The following KLF7 variants were observed in gnomAD, a reference collection of about 807,000 sequenced individuals.
The protein encoded by KLF7 is KLF transcription factor 7.
A neutral mutation model predicts 27.3 loss-of-function variants in KLF7; 2 were observed. The observed-to-expected ratio is 0.07, with a 90% CI of 0.03 to 0.23. KLF7 has a LOEUF of 0.23. Ranked by LOEUF, KLF7 falls within the 10% of genes least tolerant of loss-of-function variation. KLF7 has a pLI of 1.00. For synonymous variants in KLF7, 165 were observed against 162.4 expected, an observed-to-expected ratio of 1.02 and a Z score of -0.12; for missense variants, 221 against 394.1, an observed-to-expected ratio of 0.56 and a Z score of 3.72.
chr2:207,085,424 GA>G (rs1189996363), intron 3 of KLF7, among the ~76,000 whole-genome samples: 2 of 152,130 alleles, frequency 1.3e-5, no homozygotes, highest in African/African-American at 4.8e-5. Context: ...ACCACTGATG[GA>G]AACTGAGCCC....
Position 207,076,457 on chromosome 2 carries a change from C to G in KLF7, c.*4756G>C, listed in dbSNP as rs893140500. On this transcript the variant is annotated 3_prime_UTR_variant, in exon 4 of 4. Transcript: ENST00000309446. ...CAAAACACCTGAAAAATACAGTACT[C>G]TATTGGAAGGATGCACATAAGAAAG... 1.3e-5 allele frequency: 2 copies of G among 152,128 alleles called. No individual in the cohort carries two copies. The highest frequency in any genetic ancestry group is 2.9e-5 in the Non-Finnish European group (2 of 68,040). 9.4% of individuals were successfully genotyped at this position (152,128 alleles called of 1,614,324 possible). A position where few individuals can be genotyped will look rare whatever the true frequency, so the allele number is the denominator to read the frequency against.
At chr2:207,142,017 T>C (rs2077956695) in intron 1 of KLF7, among the ~76,000 whole-genome samples, 1 of 151,948 alleles carries the variant, frequency 6.6e-6, no homozygotes, top group Non-Finnish European at 1.5e-5. Context: ...AAGAATCTTG[T>C]CACAAGAATG....
In KLF7 at chr2:207,077,355, C is replaced by G. The variant is rs968750392; in HGVS notation, c.*3858G>C. ...AACAAAAGTCCTTATAAAATCTTCT[C>G]TGAAGCCAGAGAAGATTTTTTAAAA... On this transcript the variant is annotated 3_prime_UTR_variant, in exon 4 of 4. Transcript: ENST00000309446. 1 of 152,186 alleles carries G rather than the reference C, an allele frequency of 6.6e-6. No homozygotes were observed. The highest frequency in any genetic ancestry group is 1.5e-5 in the Non-Finnish European group (1 of 68,032). The allele number at this position is 152,186 out of a possible 1,614,324, so 9.4% of individuals were successfully genotyped here. A position where few individuals can be genotyped will look rare whatever the true frequency, so the allele number is the denominator to read the frequency against.
intron 2 of KLF7, among the ~76,000 whole-genome samples, chr2:207,120,024 C>T (rs1033831292): frequency 6.6e-6 from 1 of 152,162 alleles, no homozygotes; most frequent in Non-Finnish European, 1.5e-5. Flanking sequence ...CTTCCTTTCA[C>T]TAAATCCTGC....
chr2:207,124,505 T>C lies in KLF7; in HGVS notation c.103-101A>G. Reference sequence around the variant, plus strand: ...GAGGGGGAAGGTGCAGAGAGAATGGTGTCATGGCTTGTATCAGAAATGCCT... The same window carrying C: ...GAGGGGGAAGGTGCAGAGAGAATGGCGTCATGGCTTGTATCAGAAATGCCT... On this transcript the variant is annotated intron_variant, in intron 1 of 3. Transcript: ENST00000309446. 3.4e-6 allele frequency: 4 copies of C among 1,187,186 alleles called. No homozygotes were observed. The South Asian group carries it at 4.6e-5, about 14-fold the overall frequency. 73.5% of individuals were successfully genotyped at this position (1,187,186 alleles called of 1,614,324 possible). A position where few individuals can be genotyped will look rare whatever the true frequency, so the allele number is the denominator to read the frequency against.
intron 1 of KLF7, among the ~76,000 whole-genome samples, chr2:207,153,355 G>GA (rs1174709114): frequency 6.6e-6 from 1 of 151,978 alleles, no homozygotes; most frequent in Non-Finnish European, 1.5e-5. Context: ...TACTAAAAAA[G>GA]AAAAAACAAC....
chr2:207,082,555 C>T lies in KLF7; in HGVS notation c.858-1291G>A, dbSNP rs1574410533. Reference sequence around the variant, plus strand: ...CAGAAACCTGACAGTATGGGTGTTTCCAAATCCCTGCAGGCTTCAATCTCA... The same window carrying T: ...CAGAAACCTGACAGTATGGGTGTTTTCAAATCCCTGCAGGCTTCAATCTCA... On this transcript the variant is annotated intron_variant, in intron 3 of 3. Coordinates refer to ENST00000309446, the MANE Select transcript of KLF7 (RefSeq NM_003709.4). Among the ~76,000 whole-genome samples, 4 of 152,316 alleles carry T rather than the reference C, an allele frequency of 2.6e-5. No homozygotes were observed. The South Asian group carries it at 8.3e-4, about 32-fold the overall frequency.
chr2:207,145,466 T>C lies in KLF7; in HGVS notation c.102+20001A>G, dbSNP rs569036024. Among the ~76,000 whole-genome samples the C allele has an allele frequency of 3.9e-5, 6 of 152,352 alleles. No individual in the cohort carries two copies. The East Asian group carries it at 1.2e-3, about 29-fold the overall frequency. The stretch of plus-strand genomic sequence containing the variant: ...ACAGGTAGATACATGGATGGGAAGT[T>C]ATCAAACCCAAAAAGAGACTAATCA... On this transcript the variant is annotated intron_variant, in intron 1 of 3. Coordinates refer to ENST00000309446, the MANE Select transcript of KLF7 (RefSeq NM_003709.4).
intron 2 of KLF7, among the ~76,000 whole-genome samples, chr2:207,102,125 T>TACACACA (rs1553522202): frequency 8.2e-6 from 1 of 121,228 alleles, no homozygotes; most frequent in African/African-American, 3.0e-5. Flanking sequence ...TACATTCACA[T>TACACACA]TCACACACAC....
chr2:207,127,095 G>C (rs13406392), intron 1 of KLF7, among the ~76,000 whole-genome samples: 11,454 of 152,158 alleles, frequency 0.075, 897 homozygotes, highest in African/African-American at 0.2. Context: ...AGTAACTTAT[G>C]CAGTATGCCC....
intron 1 of KLF7, among the ~76,000 whole-genome samples, chr2:207,127,642 A>C (rs1220909490): frequency 6.6e-6 from 1 of 151,916 alleles, no homozygotes. Context: ...AGGAGTTTGA[A>C]ACCAGCCTGG....
At chr2:207,097,949 AG>A (rs1294549023) in intron 2 of KLF7, among the ~76,000 whole-genome samples, 1 of 152,186 alleles carries the variant, frequency 6.6e-6, no homozygotes, top group East Asian at 1.9e-4. Flanking sequence ...CCCCGACACA[AG>A]GCAAAACAAA....
rs777059708 is a variant in KLF7, at chr2:207,165,602, C to A, written c.-34G>T. 7 of 1,612,248 alleles carry A rather than the reference C, an allele frequency of 4.3e-6. No individual in the cohort carries two copies. The South Asian group carries it at 6.6e-5, about 15-fold the overall frequency. ...TGCCGGGCAAAACGGGAGGCGAAAC[C>A]CTCCCCCGAACACAGTTGGGGCTGT... On this transcript the variant is annotated 5_prime_UTR_variant, in exon 1 of 4. Transcript: ENST00000309446.
upstream of KLF7, among the ~76,000 whole-genome samples, chr2:207,171,381 A>T (rs1375411363): frequency 6.6e-6 from 1 of 152,172 alleles, no homozygotes; most frequent in Non-Finnish European, 1.5e-5. Flanking sequence ...AACTACTTAG[A>T]ATATTATTAT....
chr2:207,146,983 G>A (rs780927525), intron 1 of KLF7, among the ~76,000 whole-genome samples: 14 of 152,166 alleles, frequency 9.2e-5, no homozygotes, highest in Admixed American at 5.2e-4. Flanking sequence ...TTGGGCACAG[G>A]GAAGTATGGG....
At chr2:207,119,781 G>A (rs1384409394) in intron 2 of KLF7, among the ~76,000 whole-genome samples, 2 of 152,158 alleles carry the variant, frequency 1.3e-5, no homozygotes, top group Admixed American at 6.5e-5. Flanking sequence ...TCGGCGCACT[G>A]CAACCTCCGC....
At chr2:207,149,902 T>G (rs1440871771) in intron 1 of KLF7, among the ~76,000 whole-genome samples, 1 of 152,230 alleles carries the variant, frequency 6.6e-6, no homozygotes. Flanking sequence ...TCCATGGACG[T>G]AGACATATAG....
At chr2:207,173,541 T>G in the KLF7 span, 1 of 152,270 alleles carries the variant, frequency 6.6e-6, no homozygotes, top group African/African-American at 2.4e-5. Flanking sequence ...CCAAGAACTC[T>G]TATTATCTTC....
chr2:207,096,434 A>T (rs2076632513), intron 2 of KLF7, among the ~76,000 whole-genome samples: 1 of 152,230 alleles, frequency 6.6e-6, no homozygotes, highest in Non-Finnish European at 1.5e-5. Flanking sequence ...GACCTTGCGT[A>T]TCAGAATCTG....
Sources: gnomAD v4.1 joint callset for allele counts (sites outside exome capture counted in the v4.1 genomes callset) on GRCh38, gnomAD v4.1.1 for gene constraint, MANE v1.5 for transcripts, NCBI Gene and HGNC (gene_info 2026-07-23, HGNC 2026-07-21) for gene names.